PRELID2: variants seen among roughly 807,000 people sequenced by gnomAD.
The protein encoded by PRELID2 is PRELI domain-containing protein 2.
A neutral mutation model predicts 28.4 loss-of-function variants in PRELID2; 25 were observed. The observed-to-expected ratio is 0.88, with a 90% CI of 0.64 to 1.23. The LOEUF (loss-of-function observed/expected upper bound fraction) is 1.23, where lower values mean the gene tolerates loss of function less well. PRELID2 is among the 50% of genes most tolerant of loss of function. PRELID2 has a pLI of 0.00. For missense variants in PRELID2, 201 were observed against 214.4 expected (o/e 0.94, Z 0.39); for synonymous variants, 76 against 71.6 (o/e 1.06, Z -0.31).
intron 1 of PRELID2, among the ~76,000 whole-genome samples, chr5:145,489,851 T>C (rs769848786): frequency 4.1e-4 from 62 of 152,208 alleles, no homozygotes; most frequent in Non-Finnish European, 7.8e-4. Context: ...TAGCTTTCTT[T>C]CAGTCATGAA....
chr5:145,448,244 G>T, the PRELID2 span, among the ~76,000 whole-genome samples: 2 of 151,682 alleles, frequency 1.3e-5, no homozygotes, highest in African/African-American at 4.8e-5. Context: ...ATTTTTTCAT[G>T]TGTTTTTTGG....
At chr5:145,409,228 T>G in the PRELID2 span, among the ~76,000 whole-genome samples, 2 of 152,146 alleles carry the variant, frequency 1.3e-5, no homozygotes, top group South Asian at 2.1e-4. Flanking sequence ...AGTTCAAAAC[T>G]TTGAAACAAA....
intron 1 of PRELID2, among the ~76,000 whole-genome samples, chr5:145,550,948 T>C (rs1367279429): frequency 6.6e-6 from 1 of 152,210 alleles, no homozygotes; most frequent in East Asian, 1.9e-4. Context: ...GAATGGTAAA[T>C]ACCATTGTCG....
chr5:145,412,427 C>G, the PRELID2 span, among the ~76,000 whole-genome samples: 1 of 152,162 alleles, frequency 6.6e-6, no homozygotes, highest in Non-Finnish European at 1.5e-5. Context: ...ATTCCAGTTC[C>G]CAACAAGTTC....
At chr5:145,378,990 A>G in the PRELID2 span, among the ~76,000 whole-genome samples, 1 of 151,368 alleles carries the variant, frequency 6.6e-6, no homozygotes, top group Admixed American at 6.6e-5. Flanking sequence ...TGAAGTTTGG[A>G]TTATTTTTCT....
At chr5:145,436,463 G>T in the PRELID2 span, among the ~76,000 whole-genome samples, 2 of 152,090 alleles carry the variant, frequency 1.3e-5, no homozygotes, top group African/African-American at 2.4e-5. Flanking sequence ...AAATGGGATT[G>T]CTGGGTAGAA....
the PRELID2 span, among the ~76,000 whole-genome samples, chr5:145,275,419 T>G: frequency 6.6e-6 from 1 of 151,982 alleles, no homozygotes; most frequent in South Asian, 2.1e-4. Flanking sequence ...AAGGAAGCTT[T>G]AAGCTACAAC....
chr5:145,261,702 G>A, the PRELID2 span, among the ~76,000 whole-genome samples: 6 of 152,168 alleles, frequency 3.9e-5, no homozygotes, highest in Admixed American at 2.0e-4. Flanking sequence ...AAGCCCTTGA[G>A]CCCCTGATCT....
chr5:145,653,236 C>T (rs921628569), intron 1 of PRELID2, among the ~76,000 whole-genome samples: 1 of 152,092 alleles, frequency 6.6e-6, no homozygotes, highest in African/African-American at 2.4e-5. Flanking sequence ...ACAGGAGCAC[C>T]CAGATTTATA....
At chr5:145,649,314 C>T (rs1754248491) in intron 1 of PRELID2, among the ~76,000 whole-genome samples, 1 of 152,066 alleles carries the variant, frequency 6.6e-6, no homozygotes, top group Admixed American at 6.6e-5. Context: ...CGGAACCAAT[C>T]CCCTACAGAT....
At chr5:145,447,999 G>C in the PRELID2 span, among the ~76,000 whole-genome samples, 3 of 152,064 alleles carry the variant, frequency 2.0e-5, no homozygotes, top group African/African-American at 7.2e-5. Context: ...TAATGGGATG[G>C]CTGGGTCAAA....
the PRELID2 span, among the ~76,000 whole-genome samples, chr5:145,305,293 T>A: frequency 3.1e-4 from 47 of 152,290 alleles, no homozygotes; most frequent in Non-Finnish European, 5.7e-4. Context: ...CAGTTTTCAA[T>A]GTAGAACCCA....
the PRELID2 span, among the ~76,000 whole-genome samples, chr5:145,455,205 T>C: frequency 6.6e-6 from 1 of 152,208 alleles, no homozygotes; most frequent in Non-Finnish European, 1.5e-5. Context: ...ATTTATTAAA[T>C]AGGGAATCCT....
intron 1 of PRELID2, among the ~76,000 whole-genome samples, chr5:145,700,312 T>C (rs1289434930): frequency 1.3e-5 from 2 of 152,094 alleles, no homozygotes; most frequent in East Asian, 3.9e-4. Flanking sequence ...GCAACTTCAG[T>C]GATGTATGTG....
intron 1 of PRELID2, among the ~76,000 whole-genome samples, chr5:145,560,059 A>C (rs1422491546): frequency 6.6e-6 from 1 of 152,190 alleles, no homozygotes; most frequent in African/African-American, 2.4e-5. Flanking sequence ...CAGTTAGGCA[A>C]ATCATCTAAG....
downstream of PRELID2, among the ~76,000 whole-genome samples, chr5:145,470,319 C>T (rs895111518): frequency 1.6e-4 from 24 of 152,118 alleles, no homozygotes; most frequent in Non-Finnish European, 3.4e-4. Flanking sequence ...AGATTTGACT[C>T]AGGGCTGTAG....
At chr5:145,339,896 G>A in the PRELID2 span, among the ~76,000 whole-genome samples, 1 of 152,170 alleles carries the variant, frequency 6.6e-6, no homozygotes, top group Non-Finnish European at 1.5e-5. Flanking sequence ...AGGAAGAGAT[G>A]AGGCTAGATA....
At chr5:145,525,037 T>C (rs1267572541) in intron 1 of PRELID2, among the ~76,000 whole-genome samples, 1 of 152,196 alleles carries the variant, frequency 6.6e-6, no homozygotes, top group Non-Finnish European at 1.5e-5. Context: ...CTAATATTAA[T>C]ACAAACACTA....
chr5:145,781,536 C>T (rs1298164937), intron 5 of PRELID2, among the ~76,000 whole-genome samples: 2 of 150,982 alleles, frequency 1.3e-5, no homozygotes, highest in Non-Finnish European at 2.9e-5. Context: ...ACACAATGTG[C>T]AGATGCAGCC....
Sources: allele counts gnomAD v4.1 joint callset (sites outside exome capture counted in the v4.1 genomes callset), GRCh38; gene constraint gnomAD v4.1.1; transcripts MANE v1.5; gene names NCBI Gene and HGNC (gene_info 2026-07-23, HGNC 2026-07-21).